Variants in FGFR2 observed in about 807,000 individuals in gnomAD.
FGFR2 encodes the protein fibroblast growth factor receptor 2, also known as BEK fibroblast growth factor receptor.
A neutral mutation model predicts 95.9 loss-of-function variants in FGFR2; 19 were observed. That is an observed-to-expected ratio of 0.20 (90% CI 0.14 to 0.29). FGFR2 has a LOEUF of 0.29. Among genes scored for constraint, FGFR2 ranks in the 10% least tolerant of loss-of-function variants. The probability of loss-of-function intolerance (pLI) is 1.00; values close to 1 mark genes in which losing one functional copy is unlikely to be tolerated. For missense variants in FGFR2, 707 were observed against 1,056.9 expected (o/e 0.67, Z 4.59); for synonymous variants, 392 against 393.3 (o/e 1.00, Z 0.04).
chr10:121,549,832 C>G (rs1006624949), intron 5 of FGFR2, among the ~76,000 whole-genome samples: 1 of 152,200 alleles, frequency 6.6e-6, no homozygotes. Context: ...AGCCTCAACC[C>G]TTCCTTGCTT....
At chr10:121,539,065 A>T (rs1053259870) in intron 5 of FGFR2, among the ~76,000 whole-genome samples, 4 of 152,246 alleles carry the variant, frequency 2.6e-5, no homozygotes, top group African/African-American at 9.6e-5. Context: ...CGGGCAGGCG[A>T]GCTACCAGTT....
intron 16 of FGFR2, 36 bp from the exon 17 acceptor site, chr10:121,483,839 T>A (rs770725018): frequency 1.3e-6 from 2 of 1,491,910 alleles, no homozygotes; most frequent in Non-Finnish European, 1.9e-6. Context: ...TAATTTCATA[T>A]GCACTGGGTA....
At chr10:121,541,409 A>T (rs1190018674) in intron 5 of FGFR2, among the ~76,000 whole-genome samples, 1 of 152,228 alleles carries the variant, frequency 6.6e-6, no homozygotes, top group Non-Finnish European at 1.5e-5. Flanking sequence ...AAGAAACTAC[A>T]ATAGTTAACT....
intron 2 of FGFR2, among the ~76,000 whole-genome samples, chr10:121,567,324 C>T (rs1857828444): frequency 6.6e-6 from 1 of 152,144 alleles, no homozygotes; most frequent in Non-Finnish European, 1.5e-5. Flanking sequence ...TGCCAACTAG[C>T]ACGTGAACAC....
At chr10:121,550,121 T>A (rs1217370255) in intron 5 of FGFR2, among the ~76,000 whole-genome samples, 1 of 152,218 alleles carries the variant, frequency 6.6e-6, no homozygotes, top group Non-Finnish European at 1.5e-5. Flanking sequence ...TTCTGAGACA[T>A]CTTTCCTTCC....
rs527607816 is a variant in FGFR2 at position 121,555,126 on chromosome 10, C to A, written c.455-3667G>T. On this transcript the variant is annotated intron_variant, in intron 4 of 17. Coordinates refer to ENST00000358487, the MANE Select transcript of FGFR2 (RefSeq NM_000141.5). ...CGGTGGCTCACGCCTGTAATCCCAG[C>A]CTTTGGGAGGCCGAGGTGGGCGGAT... 4.5e-3 allele frequency among the ~76,000 whole-genome samples: 690 copies of A among 152,222 alleles called. 5 individuals are homozygous for A. The highest frequency in any genetic ancestry group is 0.016 in the African/African-American group (672 of 41,540).
intron 4 of FGFR2, among the ~76,000 whole-genome samples, chr10:121,558,415 C>T (rs568547721): frequency 6.6e-6 from 1 of 152,286 alleles, no homozygotes; most frequent in African/African-American, 2.4e-5. Flanking sequence ...GTAATGACAT[C>T]ACAGGACTGT....
intron 4 of FGFR2, among the ~76,000 whole-genome samples, chr10:121,556,538 G>A (rs1050467099): frequency 1.3e-5 from 2 of 152,040 alleles, no homozygotes; most frequent in Admixed American, 6.5e-5. Context: ...CTGGCCCAAC[G>A]ACTGATGATA....
intron 2 of FGFR2, among the ~76,000 whole-genome samples, chr10:121,587,574 C>T (rs749370313): frequency 1.3e-5 from 2 of 151,814 alleles, no homozygotes; most frequent in Non-Finnish European, 2.9e-5. Context: ...AACAAATAAC[C>T]ACATAAAAAG....
intron 2 of FGFR2, among the ~76,000 whole-genome samples, chr10:121,578,013 T>C (rs2135313820): frequency 6.6e-6 from 1 of 152,158 alleles, no homozygotes; most frequent in South Asian, 2.1e-4. Flanking sequence ...GGCCTATCCC[T>C]GATAGAAAGC....
rs1014289283 is a variant in FGFR2 at position 121,531,640 on chromosome 10, G to A, written c.748+6952C>T. Among the ~76,000 whole-genome samples, 1 of 152,090 alleles carries A rather than the reference G, an allele frequency of 6.6e-6. No individual in the cohort carries two copies. The highest frequency in any genetic ancestry group is 6.6e-5 in the Admixed American group (1 of 15,260). ...CTCCTACCACCTCCTCCTCCCCATA[G>A]TGCTACAAGGAAACAGTCATCACCC... is the stretch of plus-strand genomic sequence containing the variant. On this transcript the variant is annotated intron_variant, in intron 6 of 17. Coordinates refer to ENST00000358487, the MANE Select transcript of FGFR2 (RefSeq NM_000141.5). This position sits in a 1 kb window ranked among gnomAD's most constrained non-coding sequence, Gnocchi z 4.5.
rs188503771 is a variant in FGFR2, at chr10:121,489,112, G to A, written c.1864-999C>T. ...TTTAACATGGAGTCTTGTCCTTGTC[G>A]CCCAGGCTGGAGTGCAATGGTGCGA... is the stretch of plus-strand genomic sequence containing the variant. On this transcript the variant is annotated intron_variant, in intron 13 of 17. Coordinates refer to ENST00000358487, the MANE Select transcript of FGFR2 (RefSeq NM_000141.5). Among the ~76,000 whole-genome samples, 132 of 151,772 alleles carry A rather than the reference G, an allele frequency of 8.7e-4. 1 individual carries two copies. The highest frequency in any genetic ancestry group is 3.0e-3 in the African/African-American group (125 of 41,338).
rs977600230 is a variant in FGFR2 at position 121,531,803 on chromosome 10, C to G, written c.748+6789G>C. Reference sequence around the variant, plus strand: ...GAACCTCCAGAGAGGGCATCTGGCACAGAGTAGAGACCCTTAGGGGTTGTC... The same window carrying G: ...GAACCTCCAGAGAGGGCATCTGGCAGAGAGTAGAGACCCTTAGGGGTTGTC... On this transcript the variant is annotated intron_variant, in intron 6 of 17. Transcript: ENST00000358487. The surrounding 1 kb of genome is among the most constrained non-coding windows in gnomAD (Gnocchi z 4.5). 1.3e-5 allele frequency among the ~76,000 whole-genome samples: 2 copies of G among 152,134 alleles called. No individual in the cohort carries two copies. The highest frequency in any genetic ancestry group is 2.9e-5 in the Non-Finnish European group (2 of 68,018).
In FGFR2 at chr10:121,518,704, G is replaced by A. The variant is rs1129314; in HGVS notation, c.940-1241C>T. ...TACCTTGCTGTTTTGGCAGGACAGTGAGCCAGGCAGACTGGTTGGCCTGCC... is the reference window on the plus strand; with the variant it reads ...TACCTTGCTGTTTTGGCAGGACAGTAAGCCAGGCAGACTGGTTGGCCTGCC... On this transcript the variant is annotated intron_variant, in intron 7 of 17. Transcript: ENST00000358487. This position sits in a 1 kb window ranked among gnomAD's most constrained non-coding sequence, Gnocchi z 4.0. 6.2e-7 allele frequency: 1 copy of A among 1,614,144 alleles called. No individual in the cohort carries two copies. Among genetic ancestry groups the A allele is most frequent in the Non-Finnish European group, 8.5e-7 (1 of 1,180,032 alleles).
At chr10:121,511,603 G>A (rs879525072) in intron 9 of FGFR2, among the ~76,000 whole-genome samples, 30 of 152,180 alleles carry the variant, frequency 2.0e-4, no homozygotes, top group Non-Finnish European at 4.3e-4. Context: ...GGCTGTTGTT[G>A]GTCTCATTTA....
chr10:121,548,245 CTTTTTTTTTTTTTTTTTTTT>C (rs57061338), intron 5 of FGFR2, among the ~76,000 whole-genome samples: 8 of 46,698 alleles, frequency 1.7e-4, no homozygotes, highest in East Asian at 2.1e-3. Flanking sequence ...CGCTTTTGGC[CTTTTTTTTTTTTTTTTTTTT>C]TTTTTTTTTT....
At chr10:121,483,642 T>C (rs1845043324) in intron 17 of FGFR2, 56 bp downstream of exon 17, 1 of 1,247,656 alleles carries the variant, frequency 8.0e-7, no homozygotes, top group Non-Finnish European at 1.2e-6. Context: ...TGTAAAACAC[T>C]ACGCATGTCT....
At chr10:121,571,981 C>T (rs11200010) in intron 2 of FGFR2, among the ~76,000 whole-genome samples, 1 of 151,038 alleles carries the variant, frequency 6.6e-6, no homozygotes, top group Admixed American at 6.6e-5. Context: ...TGTTTTGATA[C>T]TTTAAAAATG....
At chr10:121,536,956 C>T (rs1416383069) in intron 6 of FGFR2, among the ~76,000 whole-genome samples, 3 of 152,298 alleles carry the variant, frequency 2.0e-5, no homozygotes, top group Non-Finnish European at 2.9e-5. Flanking sequence ...ACGTCACATT[C>T]GGTACACACA....
Sources: gnomAD v4.1 joint callset for allele counts (sites outside exome capture counted in the v4.1 genomes callset) on GRCh38, gnomAD v4.1.1 for gene constraint, Gnocchi (gnomAD v3.1) non-coding constraint, MANE v1.5 for transcripts, NCBI Gene and HGNC (gene_info 2026-07-23, HGNC 2026-07-21) for gene names.